The following ROBO1 variants were observed in gnomAD, a reference collection of about 807,000 sequenced individuals.
ROBO1 encodes the protein roundabout guidance receptor 1, also known as roundabout homolog 1.
ROBO1 carries 149 observed loss-of-function variants against 195.9 expected under a neutral mutation model. The observed-to-expected ratio is 0.76, with a 90% CI of 0.67 to 0.87. The LOEUF (loss-of-function observed/expected upper bound fraction) is 0.87, where lower values mean the gene tolerates loss of function less well. Ranked by LOEUF, ROBO1 falls within the 40% of genes least tolerant of loss-of-function variation. ROBO1 has a pLI of 0.00. For missense variants in ROBO1, 1,933 were observed against 2,068.3 expected, an observed-to-expected ratio of 0.93 and a Z score of 1.27; for synonymous variants, 816 against 733.2, an observed-to-expected ratio of 1.11 and a Z score of -1.82.
At chr3:79,384,066 C>T (rs2036657274) in intron 2 of ROBO1, among the ~76,000 whole-genome samples, 1 of 151,872 alleles carries the variant, frequency 6.6e-6, no homozygotes, top group African/African-American at 2.4e-5. Flanking sequence ...ATCAAAATAT[C>T]TTGTCCATTT....
chr3:79,012,484 GAATT>G, intron 3 of ROBO1, among the ~76,000 whole-genome samples: 1 of 152,206 alleles, frequency 6.6e-6, no homozygotes, highest in Middle Eastern at 3.4e-3. Flanking sequence ...AAAATAATAT[GAATT>G]AATTAAACAA....
At chr3:79,154,232 G>T (rs186640848) in intron 2 of ROBO1, among the ~76,000 whole-genome samples, 1 of 151,760 alleles carries the variant, frequency 6.6e-6, no homozygotes, top group Non-Finnish European at 1.5e-5. Context: ...ACAAGCCCAA[G>T]ATTACAATTA....
chr3:79,000,907 G>A (rs559514796), intron 3 of ROBO1, among the ~76,000 whole-genome samples: 1 of 152,258 alleles, frequency 6.6e-6, no homozygotes, highest in East Asian at 1.9e-4. Context: ...TAAAGAAAAT[G>A]TGGCACGTAT....
At chr3:79,287,716 C>T (rs1001535742) in intron 2 of ROBO1, among the ~76,000 whole-genome samples, 4 of 152,112 alleles carry the variant, frequency 2.6e-5, no homozygotes, top group Admixed American at 6.5e-5. Flanking sequence ...CCCCAAATCC[C>T]GCCTATACAA....
chr3:79,003,067 A>T (rs1257362890), intron 3 of ROBO1, among the ~76,000 whole-genome samples: 2 of 152,196 alleles, frequency 1.3e-5, no homozygotes, highest in Non-Finnish European at 2.9e-5. Flanking sequence ...TCTTAGAAGC[A>T]TTAACATTTT....
intron 2 of ROBO1, among the ~76,000 whole-genome samples, chr3:79,395,099 G>A (rs6774612): frequency 0.34 from 51,955 of 151,514 alleles, 10,046 homozygotes; most frequent in Admixed American, 0.48. Context: ...CGAGGCGGGC[G>A]GATCACGAGG....
At chr3:79,396,154 T>C (rs1259908946) in intron 2 of ROBO1, among the ~76,000 whole-genome samples, 2 of 152,278 alleles carry the variant, frequency 1.3e-5, no homozygotes, top group South Asian at 2.1e-4. Flanking sequence ...ATGCAGGGGC[T>C]TTAATGTAAA....
chr3:79,740,434 A>G (rs569051535), intron 1 of ROBO1, among the ~76,000 whole-genome samples: 1 of 152,096 alleles, frequency 6.6e-6, no homozygotes, highest in East Asian at 1.9e-4. Context: ...GCTGCTATGA[A>G]GAAATACATG....
intron 2 of ROBO1, among the ~76,000 whole-genome samples, chr3:79,424,845 C>A (rs2038380410): frequency 6.6e-6 from 1 of 151,926 alleles, no homozygotes; most frequent in South Asian, 2.1e-4. Flanking sequence ...AAATATGAAT[C>A]AAAAATATAA....
At chr3:79,600,951 G>GT (rs1196568163) in intron 1 of ROBO1, among the ~76,000 whole-genome samples, 2 of 151,942 alleles carry the variant, frequency 1.3e-5, no homozygotes, top group African/African-American at 4.8e-5. Context: ...ATGAATGACA[G>GT]TGCCTACTCA....
At chr3:79,347,805 G>A (rs1295066730) in intron 2 of ROBO1, among the ~76,000 whole-genome samples, 1 of 152,084 alleles carries the variant, frequency 6.6e-6, no homozygotes, top group Non-Finnish European at 1.5e-5. Context: ...TTTAAAAGAA[G>A]AAAAATAGCT....
At chr3:79,714,585 A>G (rs987732860) in intron 1 of ROBO1, among the ~76,000 whole-genome samples, 1 of 151,686 alleles carries the variant, frequency 6.6e-6, no homozygotes, top group Non-Finnish European at 1.5e-5. Flanking sequence ...AATAGCAAAG[A>G]CTTGGAACCA....
Position 78,711,344 on chromosome 3 carries a change from C to CTCCTTTCTTTCT in ROBO1, c.1045+3052_1045+3053insAGAAAGAAAGGA, listed in dbSNP as rs1451723595. ...CTCTCTCTCCTTCCTTCCTTCCTTC[C>CTCCTTTCTTTCT]TTCCTCCTTCCTTCCTTCCTTCCTT... On this transcript the variant is annotated intron_variant, in intron 8 of 30. Transcript: ENST00000464233. Among the ~76,000 whole-genome samples the CTCCTTTCTTTCT allele has an allele frequency of 4.7e-3, 386 of 82,356 alleles. 7 individuals are homozygous for CTCCTTTCTTTCT. The highest frequency in any genetic ancestry group is 9.8e-3 in the East Asian group (15 of 1,534). The allele number at this position is 82,356 out of a possible 152,430, so 54.0% of individuals were successfully genotyped here. A position where few individuals can be genotyped will look rare whatever the true frequency, so the allele number is the denominator to read the frequency against.
chr3:79,204,762 GTTTTAATTAGCATGTCTTTAATTCCTAA>G (rs2081834945), intron 2 of ROBO1, among the ~76,000 whole-genome samples: 2 of 152,014 alleles, frequency 1.3e-5, no homozygotes, highest in Non-Finnish European at 2.9e-5. Flanking sequence ...TGCTATTGTT[GTTTTAATTAGCATGTCTTTAATTCCTAA>G]TGGGTTTGAG....
At chr3:79,317,035 A>C (rs2109114249) in intron 2 of ROBO1, among the ~76,000 whole-genome samples, 1 of 152,290 alleles carries the variant, frequency 6.6e-6, no homozygotes, top group Admixed American at 6.5e-5. Flanking sequence ...TTAGAACCTA[A>C]GTTTATAAAA....
At chr3:79,663,989 A>T (rs1015708277) in intron 1 of ROBO1, among the ~76,000 whole-genome samples, 2 of 152,096 alleles carry the variant, frequency 1.3e-5, no homozygotes, top group Non-Finnish European at 2.9e-5. Context: ...TTCTGCTGTC[A>T]ACGAATAGCT....
At chr3:79,677,632 G>A (rs1253651006) in intron 1 of ROBO1, among the ~76,000 whole-genome samples, 1 of 152,056 alleles carries the variant, frequency 6.6e-6, no homozygotes, top group Non-Finnish European at 1.5e-5. Context: ...ATTTGGGTAG[G>A]GACATGGGGC....
chr3:78,991,195 GA>G (rs2077229481), intron 3 of ROBO1, among the ~76,000 whole-genome samples: 1 of 152,064 alleles, frequency 6.6e-6, no homozygotes, highest in African/African-American at 2.4e-5. Flanking sequence ...GGTACTAAAG[GA>G]AAGTCCTGAG....
chr3:79,677,035 T>C (rs768903951), intron 1 of ROBO1, among the ~76,000 whole-genome samples: 7 of 152,052 alleles, frequency 4.6e-5, no homozygotes, highest in Admixed American at 1.3e-4. Context: ...GATGGAATAC[T>C]GTAATAGACA....
Sources: gnomAD v4.1 joint callset for allele counts (sites outside exome capture counted in the v4.1 genomes callset) on GRCh38, gnomAD v4.1.1 for gene constraint, MANE v1.5 for transcripts, NCBI Gene and HGNC (gene_info 2026-07-23, HGNC 2026-07-21) for gene names.